Variants in SEC23A observed in about 807,000 individuals in gnomAD.
SEC23A encodes the protein protein transport protein Sec23A.
SEC23A carries 56 observed loss-of-function variants against 103.7 expected under a neutral mutation model. That is an observed-to-expected ratio of 0.54 (90% confidence interval 0.44 to 0.67). The LOEUF (loss-of-function observed/expected upper bound fraction) is 0.67. Among genes scored for constraint, SEC23A ranks in the 30% least tolerant of loss-of-function variants. The pLI is 0.00. For synonymous variants in SEC23A, 281 were observed against 293.0 expected, an observed-to-expected ratio of 0.96 and a Z score of 0.42; for missense variants, 784 against 936.4, an observed-to-expected ratio of 0.84 and a Z score of 2.12.
chr14:39,091,812 C>A, intron 4 of SEC23A, 99 bp from the exon 5 acceptor site: 1 of 799,964 alleles, frequency 1.3e-6, no homozygotes, highest in Non-Finnish European at 2.2e-6. Context: ...ACAAAAGAAT[C>A]CTAGTAAAGC....
At position 39,074,514 on chromosome 14, in the gene SEC23A, G is replaced by C. The variant is rs1195561215; in HGVS notation, c.1004C>G (p.Ala335Gly). 1 of 1,608,344 alleles carries C rather than the reference G, an allele frequency of 6.2e-7. No homozygotes were observed. The highest frequency in any genetic ancestry group is 1.1e-5 in the South Asian group (1 of 90,866). ...ATGGCCAGTTGTAGCAGCTCGATTA[G>C]CCAATGCTTCAAAATGCTACAAAAG... ...KKGTKHFEAL[A>G]NRAATTGHVI... Residue 335 changes from alanine to glycine, a missense_variant, in exon 9 of 20, where the codon GCT (alanine) becomes GGT (glycine). This residue lies in a region of SEC23A where 683 missense variants were observed against 774.2 expected (regional missense o/e 0.88). Coordinates refer to ENST00000307712, the MANE Select transcript of SEC23A (RefSeq NM_006364.4).
intron 7 of SEC23A, among the ~76,000 whole-genome samples, chr14:39,077,519 G>A (rs1887076703): frequency 6.6e-6 from 1 of 150,966 alleles, no homozygotes; most frequent in Admixed American, 6.6e-5. Flanking sequence ...TCCAGCCTGG[G>A]CAACACGGTA....
At chr14:39,055,950 T>C (rs1374707913) in intron 13 of SEC23A, among the ~76,000 whole-genome samples, 1 of 152,204 alleles carries the variant, frequency 6.6e-6, no homozygotes, top group Non-Finnish European at 1.5e-5. Flanking sequence ...ATTGCAACCA[T>C]CTAGGCGCTA....
intron 1 of SEC23A, among the ~76,000 whole-genome samples, chr14:39,096,495 A>C (rs1029041639): frequency 5.3e-5 from 8 of 151,008 alleles, no homozygotes; most frequent in Non-Finnish European, 8.8e-5. Flanking sequence ...ATTCCGTTGC[A>C]CTCCAGCCTG....
chr14:39,102,158 G>A (rs1888123909), intron 1 of SEC23A, among the ~76,000 whole-genome samples: 1 of 152,052 alleles, frequency 6.6e-6, no homozygotes, highest in South Asian at 2.1e-4. Flanking sequence ...CTTGAACCAG[G>A]GAGGCGGAGG....
chr14:39,055,013 AT>A, intron 14 of SEC23A, 129 bp downstream of exon 14: 1 of 1,032,360 alleles, frequency 9.7e-7, no homozygotes. Context: ...TGTCTCAGTA[AT>A]TTGAATAGGA....
chr14:39,091,976 T>C (rs1421508064), intron 4 of SEC23A, among the ~76,000 whole-genome samples: 3 of 152,184 alleles, frequency 2.0e-5, no homozygotes, highest in Non-Finnish European at 4.4e-5. Context: ...AAGGTTTCAT[T>C]TGACTCTTTT....
intron 15 of SEC23A, among the ~76,000 whole-genome samples, 165 bp downstream of exon 15, chr14:39,048,487 T>G (rs4902344): frequency 2.6e-5 from 4 of 151,802 alleles, no homozygotes; most frequent in African/African-American, 9.7e-5. Flanking sequence ...GGTGGCACAC[T>G]CCTGTAGTCC....
intron 12 of SEC23A, 80 bp from the exon 13 acceptor site, chr14:39,061,951 A>G: frequency 9.2e-6 from 8 of 867,114 alleles, no homozygotes; most frequent in Non-Finnish European, 1.6e-5. Flanking sequence ...ATGTCCTAGC[A>G]CTAAAAATAA....
At chr14:39,081,464 T>C (rs896831185) in intron 7 of SEC23A, among the ~76,000 whole-genome samples, 5 of 152,192 alleles carry the variant, frequency 3.3e-5, no homozygotes, top group Non-Finnish European at 5.9e-5. Flanking sequence ...CTAAGGGCAG[T>C]GGAGGGGAAT....
At position 39,039,057 on chromosome 14, in the gene SEC23A, G is replaced by A. The variant is rs374795293; in HGVS notation, c.2182C>T (p.His728Tyr). The A allele has an allele frequency of 8.7e-6, 14 of 1,613,588 alleles. No individual in the cohort carries two copies. Among genetic ancestry groups the A allele is most frequent in the Admixed American group, 1.7e-5 (1 of 60,018 alleles). The change falls in exon 19 of 20, where the codon CAT (histidine) becomes TAT (tyrosine). Residue 728 changes from histidine to tyrosine, a missense_variant. Transcript: ENST00000307712. ...LLSKVNPSQT[H>Y]NNMYAWGQES... is the part of the protein sequence containing the mutation. The stretch of plus-strand genomic sequence containing the variant: ...TGCCCCCAGGCATACATATTATTAT[G>A]AGTCTGTGAAGGGTTGACTTTTGAA...
At chr14:39,043,944 T>G (rs562861453) in intron 16 of SEC23A, among the ~76,000 whole-genome samples, 2 of 152,262 alleles carry the variant, frequency 1.3e-5, no homozygotes, top group East Asian at 3.9e-4. Flanking sequence ...AAACAACAAA[T>G]AACTTTTTTG....
intron 7 of SEC23A, among the ~76,000 whole-genome samples, chr14:39,078,355 T>C (rs1430473377): frequency 6.6e-6 from 1 of 152,108 alleles, no homozygotes; most frequent in African/African-American, 2.4e-5. Context: ...TACTGGATTA[T>C]CAAAAGAATC....
At chr14:39,065,280 A>C (rs1358719222) in intron 10 of SEC23A, among the ~76,000 whole-genome samples, 3 of 152,034 alleles carry the variant, frequency 2.0e-5, no homozygotes, top group Non-Finnish European at 4.4e-5. Flanking sequence ...CAAAATTCAC[A>C]TATCCTAATC....
intron 14 of SEC23A, among the ~76,000 whole-genome samples, chr14:39,050,064 G>A (rs537748655): frequency 6.6e-6 from 1 of 151,944 alleles, no homozygotes; most frequent in Non-Finnish European, 1.5e-5. Flanking sequence ...CACCGTGCCC[G>A]GCCAAAAACA....
chr14:39,087,057 A>T (rs762225860), intron 5 of SEC23A, 49 bp from the exon 6 acceptor site: 4 of 1,059,048 alleles, frequency 3.8e-6, no homozygotes, highest in Non-Finnish European at 4.5e-6. Context: ...TTTTACAAAG[A>T]TTTATCAACT....
In SEC23A at chr14:39,094,433, TATATATA is replaced by T. The variant is rs1566515272; in HGVS notation, c.222-1196_222-1190del. Among the ~76,000 whole-genome samples, 6 of 44,194 alleles carry T rather than the reference TATATATA, an allele frequency of 1.4e-4. 1 individual carries two copies. The African/African-American group carries it at 1.7e-3, about 12-fold the overall frequency. The allele number at this position is 44,194 out of a possible 152,430, so 29.0% of individuals were successfully genotyped here. A position where few individuals can be genotyped will look rare whatever the true frequency, so the allele number is the denominator to read the frequency against. On this transcript the variant is annotated intron_variant, in intron 2 of 19. Coordinates refer to ENST00000307712, the MANE Select transcript of SEC23A (RefSeq NM_006364.4). ...ATATATATATATATATATATATATA[TATATATA>T]TATTTTTTTTTTTTTTTTTTCCCCT...
intron 3 of SEC23A, chr14:39,092,864 T>TTTTG (rs768999347): frequency 1.4e-5 from 7 of 503,456 alleles, no homozygotes; most frequent in Non-Finnish European, 2.4e-5. Context: ...TGTTTGTTTG[T>TTTTG]TTTGTTTGTT....
intron 11 of SEC23A, among the ~76,000 whole-genome samples, chr14:39,063,725 G>A (rs1886555811): frequency 6.6e-6 from 1 of 152,180 alleles, no homozygotes; most frequent in African/African-American, 2.4e-5. Flanking sequence ...GGCCAGGGGC[G>A]GTGGCTCCCA....
Sources: gnomAD v4.1 joint callset for allele counts (sites outside exome capture counted in the v4.1 genomes callset) on GRCh38, gnomAD v4.1.1 for gene constraint, gnomAD v4.1.1 regional missense constraint, MANE v1.5 for transcripts, NCBI Gene and HGNC (gene_info 2026-07-23, HGNC 2026-07-21) for gene names.